The following MTUS2 variants were observed in gnomAD, a reference collection of about 807,000 sequenced individuals.
The protein encoded by MTUS2 is microtubule-associated tumor suppressor candidate 2.
MTUS2 carries 40 observed loss-of-function variants against 114.1 expected under a neutral mutation model. That is an observed-to-expected ratio of 0.35 (90% CI 0.27 to 0.46). The LOEUF (loss-of-function observed/expected upper bound fraction) is 0.46, where lower values mean the gene tolerates loss of function less well. Among genes scored for constraint, MTUS2 ranks in the 20% least tolerant of loss-of-function variants. The pLI is 1.00. For synonymous variants in MTUS2, 688 were observed against 672.0 expected (o/e 1.02, Z -0.37); for missense variants, 1,679 against 1,705.4 (o/e 0.98, Z 0.27).
chr13:29,249,139 C>A (rs946547001), intron 5 of MTUS2, among the ~76,000 whole-genome samples: 1 of 152,074 alleles, frequency 6.6e-6, no homozygotes, highest in Non-Finnish European at 1.5e-5. Context: ...AGGCGTGCAC[C>A]ACTATGCCTG....
At chr13:29,249,078 C>T (rs1593220762) in intron 5 of MTUS2, among the ~76,000 whole-genome samples, 1 of 152,192 alleles carries the variant, frequency 6.6e-6, no homozygotes, top group East Asian at 1.9e-4. Context: ...ACTTCTGACT[C>T]CCAGCTTCCA....
At chr13:29,394,422 C>T (rs3125715) in intron 8 of MTUS2, among the ~76,000 whole-genome samples, 124,694 of 152,096 alleles carry the variant, frequency 0.82, 52,441 homozygotes, top group Non-Finnish European at 0.91. Flanking sequence ...GTTTAAGTTA[C>T]TATCTAAAGA....
At chr13:29,299,654 G>A (rs1899106766) in intron 6 of MTUS2, among the ~76,000 whole-genome samples, 1 of 152,220 alleles carries the variant, frequency 6.6e-6, no homozygotes, top group Non-Finnish European at 1.5e-5. Context: ...AGTGGCCGGT[G>A]ATGATGGGGA....
chr13:29,026,648 G>T lies in MTUS2; in HGVS notation c.1950G>T (p.Arg650Ser). The change falls in exon 3 of 16, where the codon AGG becomes AGT. Residue 650 changes from arginine to serine, a missense_variant. This residue lies in a region of MTUS2 where 14 missense variants were observed against 34.9 expected (regional missense o/e 0.40). Transcript: ENST00000612955. ...VRPKIITYIRRNPQALGQVDA... is the reference protein window; with the variant it reads ...VRPKIITYIRSNPQALGQVDA... ...CCAAGATCATCACCTACATCAGGAG[G>T]AATCCCCAGGCCCTGGGCCAGGTGG... 2.5e-6 allele frequency: 4 copies of T among 1,613,972 alleles called. No homozygotes were observed. Among genetic ancestry groups the T allele is most frequent in the Non-Finnish European group, 3.4e-6 (4 of 1,179,868 alleles).
chr13:29,099,248 T>A (rs1234928736), intron 4 of MTUS2, among the ~76,000 whole-genome samples: 2 of 152,240 alleles, frequency 1.3e-5, no homozygotes, highest in African/African-American at 4.8e-5. Context: ...TTTTTTGTTT[T>A]TTGTGCTTTT....
At chr13:28,821,691 C>A (rs1873913902) in intron 1 of MTUS2, among the ~76,000 whole-genome samples, 1 of 152,226 alleles carries the variant, frequency 6.6e-6, no homozygotes, top group Non-Finnish European at 1.5e-5. Flanking sequence ...AAAAAGCTTT[C>A]CTGGTGATTC....
In MTUS2 at chr13:28,834,617, A is replaced by G. The variant is rs553433362; in HGVS notation, c.-315-5161A>G. ...TAAGAGTAAATCTTCATGATGTTGG[A>G]TTAGGCAATATTTTCTTATATGTAA... On this transcript the variant is annotated intron_variant, in intron 1 of 15. Transcript: ENST00000612955. Among the ~76,000 whole-genome samples, 224 of 152,290 alleles carry G rather than the reference A, an allele frequency of 1.5e-3. 1 individual carries two copies. Among genetic ancestry groups the G allele is most frequent in the African/African-American group, 5.2e-3 (215 of 41,578 alleles).
chr13:29,379,678 A>T (rs867498190), intron 8 of MTUS2, among the ~76,000 whole-genome samples: 1 of 152,184 alleles, frequency 6.6e-6, no homozygotes, highest in African/African-American at 2.4e-5. Flanking sequence ...CAAGCAAGGA[A>T]TCCACTCAGG....
At chr13:29,378,529 A>C (rs1186770814) in intron 8 of MTUS2, among the ~76,000 whole-genome samples, 4 of 152,172 alleles carry the variant, frequency 2.6e-5, no homozygotes, top group African/African-American at 9.7e-5. Context: ...CAGCAGGCAC[A>C]CAGGCACCTC....
At chr13:28,891,600 C>T (rs748656578) in intron 2 of MTUS2, among the ~76,000 whole-genome samples, 1 of 152,064 alleles carries the variant, frequency 6.6e-6, no homozygotes, top group East Asian at 1.9e-4. Context: ...TAACAACAGG[C>T]TGGGCACGGT....
chr13:28,905,065 T>A (rs1190271657), intron 2 of MTUS2, among the ~76,000 whole-genome samples: 2 of 151,276 alleles, frequency 1.3e-5, no homozygotes, highest in Non-Finnish European at 3.0e-5. Flanking sequence ...TGCCTGTTAT[T>A]GGTTTATAAG....
At chr13:29,433,019 G>A (rs910670995) in intron 8 of MTUS2, among the ~76,000 whole-genome samples, 11 of 152,298 alleles carry the variant, frequency 7.2e-5, no homozygotes, top group African/African-American at 2.4e-4. Context: ...GGATTAAAAC[G>A]CAGGCAACTG....
At chr13:29,471,576 A>G (rs955306080) in intron 9 of MTUS2, among the ~76,000 whole-genome samples, 2 of 152,144 alleles carry the variant, frequency 1.3e-5, no homozygotes, top group East Asian at 1.9e-4. Context: ...AGACAGGTAA[A>G]GAGATGTGTT....
chr13:28,983,328 T>TA (rs1408262916), intron 2 of MTUS2, among the ~76,000 whole-genome samples: 4 of 152,198 alleles, frequency 2.6e-5, no homozygotes, highest in Admixed American at 2.6e-4. Flanking sequence ...CCATCTTCTG[T>TA]AACTTCTGTC....
intron 5 of MTUS2, among the ~76,000 whole-genome samples, chr13:29,275,077 A>G (rs566312289): frequency 6.6e-6 from 1 of 152,312 alleles, no homozygotes; most frequent in African/African-American, 2.4e-5. Flanking sequence ...CCGTTATCAG[A>G]TATGACTTGC....
At chr13:28,887,961 TC>T (rs1199243534) in intron 2 of MTUS2, among the ~76,000 whole-genome samples, 1 of 152,198 alleles carries the variant, frequency 6.6e-6, no homozygotes, top group Non-Finnish European at 1.5e-5. Context: ...ATTTCTACTT[TC>T]CTTCAAGCTT....
At chr13:28,973,067 T>C (rs1883930336) in intron 2 of MTUS2, among the ~76,000 whole-genome samples, 1 of 152,202 alleles carries the variant, frequency 6.6e-6, no homozygotes, top group Non-Finnish European at 1.5e-5. Flanking sequence ...GTATGTAGCT[T>C]GCTTTTTTAG....
At chr13:29,091,541 C>T (rs749425492) in intron 4 of MTUS2, among the ~76,000 whole-genome samples, 21 of 152,042 alleles carry the variant, frequency 1.4e-4, no homozygotes, top group Non-Finnish European at 2.6e-4. Context: ...TGAGCTTTTG[C>T]CCAGTAGGCT....
chr13:29,227,167 G>A (rs893799475), intron 5 of MTUS2, among the ~76,000 whole-genome samples: 1 of 150,498 alleles, frequency 6.6e-6, no homozygotes, highest in Admixed American at 6.7e-5. Context: ...GCTGGGGTAG[G>A]AGAATCACTT....
Sources: gnomAD v4.1 joint callset for allele counts (sites outside exome capture counted in the v4.1 genomes callset) on GRCh38, gnomAD v4.1.1 for gene constraint, gnomAD v4.1.1 regional missense constraint, MANE v1.5 for transcripts, NCBI Gene and HGNC (gene_info 2026-07-23, HGNC 2026-07-21) for gene names.